The following GRM7 variants were observed in gnomAD, a reference collection of about 807,000 sequenced individuals.
The protein encoded by GRM7 is glutamate metabotropic receptor 7.
Under a neutral mutation model 84.5 loss-of-function variants are expected in GRM7, and 35 were observed. That is an observed-to-expected ratio of 0.41 (90% CI 0.32 to 0.55). The LOEUF (loss-of-function observed/expected upper bound fraction) is 0.55. Ranked by LOEUF, GRM7 falls within the 20% of genes least tolerant of loss-of-function variation. The pLI is 0.19. For synonymous variants in GRM7, 487 were observed against 455.1 expected, an observed-to-expected ratio of 1.07 and a Z score of -0.89; for missense variants, 1,003 against 1,194.6, an observed-to-expected ratio of 0.84 and a Z score of 2.36.
intron 9 of GRM7, among the ~76,000 whole-genome samples, chr3:7,690,836 G>T (rs1700773581): frequency 6.6e-6 from 1 of 152,186 alleles, no homozygotes; most frequent in East Asian, 1.9e-4. Context: ...CTTAGAGACT[G>T]TCATTCAGGA....
chr3:7,442,194 C>G (rs931323366), intron 5 of GRM7, among the ~76,000 whole-genome samples: 4 of 151,938 alleles, frequency 2.6e-5, no homozygotes, highest in African/African-American at 4.8e-5. Flanking sequence ...ATATCTTTCA[C>G]CTCCCTGGTT....
intron 1 of GRM7, among the ~76,000 whole-genome samples, chr3:6,963,084 C>A (rs377671085): frequency 6.6e-6 from 1 of 152,112 alleles, no homozygotes; most frequent in East Asian, 1.9e-4. Flanking sequence ...TAAAAAAGAG[C>A]CTTGGTGGTC....
chr3:6,918,484 T>C (rs1423741818), intron 1 of GRM7, among the ~76,000 whole-genome samples: 1 of 152,208 alleles, frequency 6.6e-6, no homozygotes, highest in Non-Finnish European at 1.5e-5. Context: ...CCCAGCTCCA[T>C]CACTTACTAG....
At chr3:7,277,923 G>C (rs1438766352) in intron 2 of GRM7, among the ~76,000 whole-genome samples, 1 of 152,044 alleles carries the variant, frequency 6.6e-6, no homozygotes, top group Non-Finnish European at 1.5e-5. Context: ...ATGAGACTAA[G>C]TAATAATTGA....
At chr3:7,453,525 A>G (rs1676207711) in intron 6 of GRM7, among the ~76,000 whole-genome samples, 1 of 152,150 alleles carries the variant, frequency 6.6e-6, no homozygotes, top group Non-Finnish European at 1.5e-5. Context: ...TTATTACAAA[A>G]GGTATTTTAA....
rs923386046 is a variant in GRM7 at position 7,589,353 on chromosome 3, T to C, written c.2451+9996T>C. On this transcript the variant is annotated intron_variant, in intron 8 of 9. Coordinates refer to ENST00000357716, the MANE Select transcript of GRM7 (RefSeq NM_000844.4). ...CTGAGGTTCAACTTAAATGCTGATC[T>C]TTTTTTCCCAAATCTTTACTGAGTG... Among the ~76,000 whole-genome samples, 5 of 152,240 alleles carry C rather than the reference T, an allele frequency of 3.3e-5. No individual in the cohort carries two copies. The East Asian group carries it at 9.6e-4, about 29-fold the overall frequency.
chr3:7,466,840 T>C (rs1009641015), intron 7 of GRM7, among the ~76,000 whole-genome samples: 2 of 152,210 alleles, frequency 1.3e-5, no homozygotes, highest in Non-Finnish European at 2.9e-5. Context: ...TTCTTGACTT[T>C]TTCTGGTGAT....
chr3:6,967,971 A>T (rs749215121), intron 1 of GRM7, among the ~76,000 whole-genome samples: 3 of 152,214 alleles, frequency 2.0e-5, no homozygotes, highest in African/African-American at 4.8e-5. Context: ...TCAAGTTGAG[A>T]GTTTAGTAGC....
chr3:6,942,676 A>T (rs1465226892), intron 1 of GRM7, among the ~76,000 whole-genome samples: 2 of 152,172 alleles, frequency 1.3e-5, no homozygotes, highest in Non-Finnish European at 2.9e-5. Flanking sequence ...CTATTAAAAA[A>T]TTAAAGCTAC....
intron 1 of GRM7, among the ~76,000 whole-genome samples, chr3:7,077,636 G>A (rs1024721899): frequency 9.9e-5 from 15 of 151,442 alleles, no homozygotes; most frequent in African/African-American, 3.6e-4. Context: ...ATGGGTCGAT[G>A]GGTGCACCAA....
At chr3:7,114,294 C>T (rs1260967709) in intron 1 of GRM7, among the ~76,000 whole-genome samples, 1 of 152,124 alleles carries the variant, frequency 6.6e-6, no homozygotes, top group African/African-American at 2.4e-5. Context: ...AAATGCAACC[C>T]ATTCTGAAGA....
intron 8 of GRM7, among the ~76,000 whole-genome samples, chr3:7,595,504 A>T (rs1695996127): frequency 6.6e-6 from 1 of 152,184 alleles, no homozygotes; most frequent in Admixed American, 6.5e-5. Flanking sequence ...AGTTGCTTGA[A>T]TGCTGTGATA....
chr3:7,412,033 C>CCT (rs148851965), intron 4 of GRM7, among the ~76,000 whole-genome samples: 2 of 149,576 alleles, frequency 1.3e-5, no homozygotes, highest in East Asian at 2.0e-4. Flanking sequence ...TCTCCTCTCT[C>CCT]CTCTCTCTCT....
chr3:7,602,796 T>G (rs1034018266), intron 8 of GRM7, among the ~76,000 whole-genome samples: 1 of 152,156 alleles, frequency 6.6e-6, no homozygotes, highest in Non-Finnish European at 1.5e-5. Flanking sequence ...AGCTTGCAAG[T>G]TTTGTGCTTT....
chr3:7,710,712 T>C (rs1016101651), intron 9 of GRM7, among the ~76,000 whole-genome samples: 24 of 152,194 alleles, frequency 1.6e-4, no homozygotes, highest in African/African-American at 5.8e-4. Flanking sequence ...GGCTCTTTCC[T>C]TCACTGTGTA....
chr3:7,541,868 C>T (rs1367511231), intron 7 of GRM7, among the ~76,000 whole-genome samples: 1 of 152,116 alleles, frequency 6.6e-6, no homozygotes, highest in African/African-American at 2.4e-5. Context: ...ATTCTCAAGG[C>T]TAGAAGTCCC....
At chr3:6,998,119 C>CAAAAGAAAAAAAAAA (rs1694885355) in intron 1 of GRM7, among the ~76,000 whole-genome samples, 1 of 18,432 alleles carries the variant, frequency 5.4e-5, no homozygotes, top group Admixed American at 1.3e-3. Context: ...ATCTCCATCT[C>CAAAAGAAAAAAAAAA]AAAAAAAAAA....
chr3:7,036,819 T>C (rs1044231023), intron 1 of GRM7, among the ~76,000 whole-genome samples: 4 of 145,170 alleles, frequency 2.8e-5, no homozygotes, highest in African/African-American at 1.0e-4. Context: ...ATAACTATTA[T>C]AGCAGTTAGA....
At chr3:7,317,306 A>T (rs1700618667) in intron 4 of GRM7, among the ~76,000 whole-genome samples, 1 of 143,344 alleles carries the variant, frequency 7.0e-6, no homozygotes, top group African/African-American at 2.8e-5. Context: ...CTTAAGGAGA[A>T]CTATAGTCAT....
Sources: gnomAD v4.1 joint callset for allele counts (sites outside exome capture counted in the v4.1 genomes callset) on GRCh38, gnomAD v4.1.1 for gene constraint, MANE v1.5 for transcripts, NCBI Gene and HGNC (gene_info 2026-07-23, HGNC 2026-07-21) for gene names.